Variants in IQCH observed in about 807,000 individuals in gnomAD.
The protein encoded by IQCH is IQ motif containing H.
A neutral mutation model predicts 117.0 loss-of-function variants in IQCH; 98 were observed. That is an observed-to-expected ratio of 0.84 (90% CI 0.71 to 0.99). IQCH has a LOEUF of 0.99. Among genes scored for constraint, IQCH ranks in the 50% least tolerant of loss-of-function variants. The probability of loss-of-function intolerance (pLI) is 0.00; values close to 1 mark genes in which losing one functional copy is unlikely to be tolerated. For missense variants in IQCH, 1,102 were observed against 1,243.8 expected (o/e 0.89, Z 1.72); for synonymous variants, 412 against 448.2 (o/e 0.92, Z 1.02).
chr15:67,421,183 T>G, intron 15 of IQCH, 108 bp from the exon 16 acceptor site: 1 of 836,062 alleles, frequency 1.2e-6, no homozygotes, highest in Non-Finnish European at 1.9e-6. Flanking sequence ...GTTCAGAGAA[T>G]GTAAGCTACT....
At chr15:67,271,702 G>A (rs1965904894) in intron 3 of IQCH, among the ~76,000 whole-genome samples, 1 of 152,094 alleles carries the variant, frequency 6.6e-6, no homozygotes, top group Admixed American at 6.5e-5. Flanking sequence ...ATTGTAAATT[G>A]TTGGGATATA....
chr15:67,280,014 T>TA (rs888687039), intron 4 of IQCH, among the ~76,000 whole-genome samples: 101 of 144,784 alleles, frequency 7.0e-4, no homozygotes, highest in East Asian at 1.4e-3. Context: ...AGACTCCGTC[T>TA]AAAAAAAAAA....
chr15:67,398,187 A>C (rs1045635406), intron 13 of IQCH, among the ~76,000 whole-genome samples: 62 of 152,286 alleles, frequency 4.1e-4, no homozygotes, highest in African/African-American at 1.5e-3. Flanking sequence ...ATATCTAAAT[A>C]TGTAATTTTT....
At chr15:67,299,123 G>A (rs1187477758) in intron 4 of IQCH, among the ~76,000 whole-genome samples, 3 of 151,048 alleles carry the variant, frequency 2.0e-5, no homozygotes, top group Non-Finnish European at 4.4e-5. Flanking sequence ...GCAACAACAT[G>A]GATAGAACTG....
intron 4 of IQCH, among the ~76,000 whole-genome samples, chr15:67,300,576 A>C (rs1179153214): frequency 2.0e-5 from 3 of 152,204 alleles, no homozygotes; most frequent in African/African-American, 7.2e-5. Context: ...TGGGAATATG[A>C]TATTAAGCAA....
chr15:67,294,069 C>T (rs1160052571), intron 4 of IQCH, among the ~76,000 whole-genome samples: 2 of 152,086 alleles, frequency 1.3e-5, no homozygotes, highest in African/African-American at 4.8e-5. Context: ...AGAGGGTATG[C>T]CTAATGCCTG....
At chr15:67,325,729 CA>C (rs1968377353) in intron 4 of IQCH, among the ~76,000 whole-genome samples, 1 of 151,922 alleles carries the variant, frequency 6.6e-6, no homozygotes, top group Admixed American at 6.6e-5. Context: ...CTAATATAAT[CA>C]AATAGCAACT....
At chr15:67,383,146 A>G (rs1970996088) in intron 10 of IQCH, among the ~76,000 whole-genome samples, 1 of 152,206 alleles carries the variant, frequency 6.6e-6, no homozygotes, top group Admixed American at 6.6e-5. Context: ...GGAAACATCC[A>G]TACCTTGTAA....
intron 14 of IQCH, among the ~76,000 whole-genome samples, chr15:67,409,053 T>C (rs545476275): frequency 6.6e-6 from 1 of 152,212 alleles, no homozygotes; most frequent in Non-Finnish European, 1.5e-5. Flanking sequence ...AACATATTCT[T>C]CTTTTTTTAA....
In IQCH at chr15:67,382,769, C is replaced by T. The variant is rs530761559; in HGVS notation, c.1373-2167C>T. Among the ~76,000 whole-genome samples, 4 of 152,220 alleles carry T rather than the reference C, an allele frequency of 2.6e-5. No individual in the cohort carries two copies. The South Asian group carries it at 8.3e-4, about 32-fold the overall frequency. ...TGAGGTTGATAGTCTCTCAGAACTC[C>T]CCCAGTGTTCCTAATTGATACCCTT... On this transcript the variant is annotated intron_variant, in intron 10 of 20. Transcript: ENST00000335894.
In IQCH at chr15:67,357,353, A is replaced by C; in HGVS notation, c.646A>C (p.Thr216Pro). The change falls in exon 7 of 21, where the codon ACT (threonine) becomes CCT (proline). Residue 216 changes from threonine to proline, a missense_variant. By Grantham distance (38) the Thr-to-Pro change is conservative (BLOSUM62 -1). Coordinates refer to ENST00000335894, the MANE Select transcript of IQCH (RefSeq NM_001031715.3). ...ACTATCTTCATCCACAGCCACTTTC[A>C]CTATACCTCGGGAACCACCTCCATC... ...ARKIPTVATF[T>P]IPREPPPSPA... is the part of the protein sequence containing the mutation. 6.2e-7 allele frequency: 1 copy of C among 1,606,600 alleles called. No homozygotes were observed. The highest frequency in any genetic ancestry group is 8.5e-7 in the Non-Finnish European group (1 of 1,173,098).
rs1247846244 is a variant in IQCH, at chr15:67,475,743, C to G, written c.2724C>G (p.His908Gln). ...CAGTGATGACCACCCAGCTAAGACA[C>G]AGCAATCTCTCACTGGTTTTCCACT... ...RYAVMTTQLR[H>Q]SNLSLVFHYV... The change falls in exon 18 of 21, where the codon CAC (histidine) becomes CAG (glutamine). Residue 908 changes from histidine (H) to glutamine (Q), a missense_variant. By Grantham distance (24) the His-to-Gln change is conservative (BLOSUM62 0). This residue lies in a region of IQCH where 650 missense variants were observed against 794.3 expected (regional missense o/e 0.82). Coordinates refer to ENST00000335894, the MANE Select transcript of IQCH (RefSeq NM_001031715.3). The surrounding 1 kb of genome is among the most constrained non-coding windows in gnomAD (Gnocchi z 5.7). 2 of 1,614,114 alleles carry G rather than the reference C, an allele frequency of 1.2e-6. No individual in the cohort carries two copies. The highest frequency in any genetic ancestry group is 2.2e-5 in the South Asian group (2 of 91,088).
At chr15:67,258,464 G>T (rs1965322057) in intron 1 of IQCH, among the ~76,000 whole-genome samples, 1 of 150,976 alleles carries the variant, frequency 6.6e-6, no homozygotes, top group Non-Finnish European at 1.5e-5. Context: ...CCGGGAGGTG[G>T]AGGTTGCAGT....
intron 1 of IQCH, among the ~76,000 whole-genome samples, chr15:67,258,501 A>T (rs947695209): frequency 6.8e-6 from 1 of 148,130 alleles, no homozygotes; most frequent in African/African-American, 2.5e-5. Context: ...ATTGCACTCC[A>T]GCCTGGGGGA....
chr15:67,345,440 C>T (rs1338695339), intron 6 of IQCH, among the ~76,000 whole-genome samples: 1 of 152,080 alleles, frequency 6.6e-6, no homozygotes. Flanking sequence ...AATGGAGAAA[C>T]CTGCAAACCC....
intron 3 of IQCH, among the ~76,000 whole-genome samples, chr15:67,278,185 T>A (rs1966207325): frequency 1.3e-5 from 2 of 152,184 alleles, no homozygotes; most frequent in Non-Finnish European, 2.9e-5. Flanking sequence ...GAGCTTACCT[T>A]CATTACAGAG....
chr15:67,368,091 G>A (rs931656542), intron 8 of IQCH, among the ~76,000 whole-genome samples: 2 of 152,188 alleles, frequency 1.3e-5, no homozygotes, highest in African/African-American at 2.4e-5. Context: ...TTACAGATAA[G>A]GAAATTTAGG....
chr15:67,414,267 C>T (rs1348705850), intron 14 of IQCH, among the ~76,000 whole-genome samples: 2 of 152,176 alleles, frequency 1.3e-5, no homozygotes, highest in African/African-American at 4.8e-5. Context: ...TTTAGTGTTC[C>T]CTGTGCTGGG....
At chr15:67,460,618 T>C (rs2082769003) in intron 16 of IQCH, among the ~76,000 whole-genome samples, 1 of 152,160 alleles carries the variant, frequency 6.6e-6, no homozygotes, top group Admixed American at 6.5e-5. Flanking sequence ...TTAATATAAA[T>C]CTCTCTAGCA....
Sources: allele counts gnomAD v4.1 joint callset (sites outside exome capture counted in the v4.1 genomes callset), GRCh38; gene constraint gnomAD v4.1.1; regional missense constraint gnomAD v4.1.1; non-coding constraint Gnocchi (gnomAD v3.1); transcripts MANE v1.5; gene names NCBI Gene and HGNC (gene_info 2026-07-23, HGNC 2026-07-21).